The following CACNA1H variants were observed in gnomAD, a reference collection of about 807,000 sequenced individuals.
CACNA1H encodes voltage-dependent T-type calcium channel subunit alpha-1H.
A neutral mutation model predicts 192.5 loss-of-function variants in CACNA1H; 149 were observed. The observed-to-expected ratio is 0.77, with a 90% CI of 0.68 to 0.89. The LOEUF is 0.89. Ranked by LOEUF, CACNA1H falls within the 40% of genes least tolerant of loss-of-function variation. CACNA1H has a pLI of 0.00. For synonymous variants in CACNA1H, 2,202 were observed against 1,475.2 expected (o/e 1.49, Z -11.29); for missense variants, 4,257 against 3,423.5 (o/e 1.24, Z -6.08).
chr16:1,158,313 G>A (rs564389747), intron 2 of CACNA1H, among the ~76,000 whole-genome samples: 76 of 152,210 alleles, frequency 5.0e-4, no homozygotes, highest in Admixed American at 1.6e-3. Context: ...TGGGGGAGCC[G>A]TGGGGGCAGC....
chr16:1,204,299 G>A lies in CACNA1H; in HGVS notation c.2292G>A (p.Gln764=), dbSNP rs1968380321. ...PGPGSPQRRA[Q]QRAAPGEPGW... Reference sequence around the variant, plus strand: ...CAGGCAGCCCCCAGCGGCGGGCACAGCAGAGGGCAGCCCCGGGCGAGCCAG... The same window carrying A: ...CAGGCAGCCCCCAGCGGCGGGCACAACAGAGGGCAGCCCCGGGCGAGCCAG... Residue 764 remains glutamine (Q), a synonymous_variant, in exon 10 of 35, where the codon CAG becomes CAA. Transcript: ENST00000348261. The A allele has an allele frequency of 6.2e-7, 1 of 1,603,204 alleles. No individual in the cohort carries two copies. Among genetic ancestry groups the A allele is most frequent in the Non-Finnish European group, 8.5e-7 (1 of 1,174,734 alleles).
intron 2 of CACNA1H, among the ~76,000 whole-genome samples, chr16:1,175,494 CT>C (rs536359011): frequency 3.4e-3 from 525 of 152,274 alleles, no homozygotes; most frequent in African/African-American, 0.011. Flanking sequence ...GGATGCACCC[CT>C]GCCCCTCCAC....
chr16:1,162,294 C>G (rs937977584), intron 2 of CACNA1H, among the ~76,000 whole-genome samples: 3 of 152,166 alleles, frequency 2.0e-5, no homozygotes, highest in South Asian at 2.1e-4. Context: ...CCCACCTGCC[C>G]TCACAGCTGC....
Position 1,195,428 on chromosome 16 carries a change from G to A in CACNA1H, c.412-4G>A, listed in dbSNP as rs747026006. ...ACGGGCCCTCCTGATGCCTCCTCCC[G>A]CAGGCCTTTGACGCCTTCATTTTCG... On this transcript the variant is annotated splice_region_variant and splice_polypyrimidine_tract_variant and intron_variant, in intron 3 of 34. Coordinates refer to ENST00000348261, the MANE Select transcript of CACNA1H (RefSeq NM_021098.3). The A allele has an allele frequency of 1.0e-5, 16 of 1,551,666 alleles. No individual in the cohort carries two copies. The highest frequency in any genetic ancestry group is 3.6e-5 in the South Asian group (3 of 84,060).
At chr16:1,171,431 T>C (rs558779021) in intron 2 of CACNA1H, among the ~76,000 whole-genome samples, 157 of 152,316 alleles carry the variant, frequency 1.0e-3, no homozygotes, top group African/African-American at 3.6e-3. Context: ...AGCCCACTTT[T>C]TGGCCCTGGG....
rs369329819 is a variant in CACNA1H at position 1,198,735 on chromosome 16, T to G, written c.764T>G (p.Leu255Arg). ...GTTGGCGTCCAGCTCTGGGCTGGCC[T>G]CCTGCGGAACCGCTGCTTCCTGGAC... The part of the protein sequence containing the change: ...GIVGVQLWAG[L>R]LRNRCFLDSA... The change falls in exon 6 of 35, where the codon CTC (leucine) becomes CGC (arginine). Residue 255 changes from leucine to arginine, a missense_variant. By Grantham distance (102) the Leu-to-Arg change is moderately radical (BLOSUM62 -2). Coordinates refer to ENST00000348261, the MANE Select transcript of CACNA1H (RefSeq NM_021098.3). 2.9e-5 allele frequency: 47 copies of G among 1,612,970 alleles called. No homozygotes were observed. Among genetic ancestry groups the G allele is most frequent in the African/African-American group, 9.3e-5 (7 of 74,990 alleles).
At position 1,220,125 on chromosome 16, in the gene CACNA1H, G is replaced by C; in HGVS notation, c.6193G>C (p.Ala2065Pro). The change falls in exon 35 of 35, where the codon GCC (alanine) becomes CCC (proline). Residue 2065 changes from alanine to proline, a missense_variant. Coordinates refer to ENST00000348261, the MANE Select transcript of CACNA1H (RefSeq NM_021098.3). The stretch of plus-strand genomic sequence containing the variant: ...GTCCCCACCACGCTCCCCACGGCCC[G>C]CCAGCGTCCGCACTCGTAAGCATAC... ...LQSPPRSPRP[A>P]SVRTRKHTFG... The C allele has an allele frequency of 6.7e-7, 1 of 1,490,648 alleles. No homozygotes were observed. 92.3% of individuals were successfully genotyped at this position (1,490,648 alleles called of 1,614,324 possible).
intron 2 of CACNA1H, among the ~76,000 whole-genome samples, chr16:1,164,479 G>A (rs1162214886): frequency 6.6e-6 from 1 of 152,166 alleles, no homozygotes; most frequent in Non-Finnish European, 1.5e-5. Context: ...TTACAGGTGT[G>A]AGCCACCACG....
chr16:1,182,848 A>G (rs1299475711), intron 2 of CACNA1H, among the ~76,000 whole-genome samples: 1 of 151,794 alleles, frequency 6.6e-6, no homozygotes, highest in Non-Finnish European at 1.5e-5. Context: ...CCTGCCTGGG[A>G]TGGGGTGCAG....
At chr16:1,197,503 GAACTAGGGAAC>G (rs1329249116) in intron 5 of CACNA1H, among the ~76,000 whole-genome samples, 25 of 152,336 alleles carry the variant, frequency 1.6e-4, no homozygotes, top group Non-Finnish European at 3.2e-4. Flanking sequence ...CTCTAGGAGA[GAACTAGGGAAC>G]TCTTCCAGAC....
intron 2 of CACNA1H, among the ~76,000 whole-genome samples, chr16:1,169,071 TGGAG>T (rs1400783444): frequency 1.4e-5 from 2 of 144,252 alleles, no homozygotes; most frequent in Admixed American, 1.5e-4. Context: ...CAACAGGAGA[TGGAG>T]GGAGGAAAGG....
chr16:1,164,969 C>T (rs1963611250), intron 2 of CACNA1H, among the ~76,000 whole-genome samples: 1 of 152,076 alleles, frequency 6.6e-6, no homozygotes, highest in South Asian at 2.1e-4. Context: ...AGGTGGGGCC[C>T]CTCGGTCCAG....
chr16:1,155,719 A>G (rs563260811), intron 2 of CACNA1H, among the ~76,000 whole-genome samples: 35 of 151,908 alleles, frequency 2.3e-4, no homozygotes, highest in Admixed American at 2.0e-4. Context: ...AGAGTTTTGG[A>G]GCCTGGCCCC....
At chr16:1,165,689 C>T (rs1425382027) in intron 2 of CACNA1H, among the ~76,000 whole-genome samples, 1 of 152,224 alleles carries the variant, frequency 6.6e-6, no homozygotes, top group African/African-American at 2.4e-5. Context: ...GGTCACCCCT[C>T]CTGAGGATGT....
At chr16:1,155,905 G>A (rs1417707365) in intron 2 of CACNA1H, among the ~76,000 whole-genome samples, 31 of 152,186 alleles carry the variant, frequency 2.0e-4, no homozygotes. Context: ...GGTGTCCTGA[G>A]GAGCTGTCCT....
intron 18 of CACNA1H, 32 bp from the exon 19 acceptor site, chr16:1,210,338 G>A (rs776363640): frequency 1.3e-4 from 39 of 302,194 alleles, no homozygotes; most frequent in Middle Eastern, 1.0e-3. Flanking sequence ...ACGCCGCCCC[G>A]CCCCACCTCT....
chr16:1,206,363 C>G (rs1596438048), intron 12 of CACNA1H, 74 bp downstream of exon 12: 4 of 1,421,614 alleles, frequency 2.8e-6, no homozygotes. Context: ...CCCAGGGCAC[C>G]CCCCGAAGGA....
intron 2 of CACNA1H, among the ~76,000 whole-genome samples, chr16:1,175,162 G>A (rs573854939): frequency 7.9e-5 from 12 of 151,800 alleles, no homozygotes; most frequent in Admixed American, 2.0e-4. Context: ...CTGTGCGCGC[G>A]GGCCAACGCC....
At position 1,196,009 on chromosome 16, in the gene CACNA1H, T is replaced by G; in HGVS notation, c.629T>G (p.Ile210Ser). ...CGGGTGCTGCGGCCCCTCCGCGCCA[T>G]CAACCGCGTGCCTAGTAAGTGACCG... ...TVRVLRPLRA[I>S]NRVPSMRILV... Residue 210 changes from isoleucine (I) to serine (S), a missense_variant, in exon 5 of 35, where the codon ATC becomes AGC. Transcript: ENST00000348261. The G allele has an allele frequency of 6.2e-7, 1 of 1,612,708 alleles. No individual in the cohort carries two copies. Among genetic ancestry groups the G allele is most frequent in the Non-Finnish European group, 8.5e-7 (1 of 1,179,618 alleles).
Sources: gnomAD v4.1 joint callset for allele counts (sites outside exome capture counted in the v4.1 genomes callset) on GRCh38, gnomAD v4.1.1 for gene constraint, MANE v1.5 for transcripts, NCBI Gene and HGNC (gene_info 2026-07-23, HGNC 2026-07-21) for gene names.